The following IL1RAPL2 variants were observed in gnomAD, a reference collection of about 807,000 sequenced individuals.
IL1RAPL2 encodes interleukin 1 receptor accessory protein like 2.
A neutral mutation model predicts 44.1 loss-of-function variants in IL1RAPL2; 3 were observed. The observed-to-expected ratio is 0.07, with a 90% CI of 0.03 to 0.18. The LOEUF is 0.18. IL1RAPL2 is among the 10% of genes least tolerant of loss of function. The pLI is 1.00. For synonymous variants in IL1RAPL2, 181 were observed against 178.8 expected (o/e 1.01, Z -0.10); for missense variants, 391 against 496.4 (o/e 0.79, Z 2.02).
chrX:104,973,587 T>G (rs895908434), intron 2 of IL1RAPL2, among the ~76,000 whole-genome samples: 1 of 112,059 alleles, frequency 8.9e-6, no homozygotes, highest in Admixed American at 9.5e-5. Context: ...ATTGAAAACT[T>G]TCTGGTAATT....
intron 2 of IL1RAPL2, among the ~76,000 whole-genome samples, chrX:104,945,268 T>C (rs1016207478): frequency 1.8e-5 from 2 of 110,519 alleles, no homozygotes; most frequent in Non-Finnish European, 1.9e-5. Flanking sequence ...AAGAAAAACA[T>C]AAGAACTTAG....
chrX:105,368,506 C>T (rs772923433), intron 5 of IL1RAPL2, among the ~76,000 whole-genome samples: 7 of 111,793 alleles, frequency 6.3e-5, no homozygotes, highest in African/African-American at 2.3e-4. Flanking sequence ...ATATATCATT[C>T]TATTCCCTCT....
chrX:105,317,341 T>C (rs1229532772), intron 5 of IL1RAPL2, among the ~76,000 whole-genome samples: 1 of 112,115 alleles, frequency 8.9e-6, no homozygotes, highest in Admixed American at 9.5e-5. Flanking sequence ...ACAGTGATGA[T>C]CCATTTGCAT....
intron 1 of IL1RAPL2, among the ~76,000 whole-genome samples, chrX:104,591,885 G>A (rs1233165409): frequency 1.8e-5 from 2 of 109,938 alleles, no homozygotes; most frequent in East Asian, 5.7e-4. Context: ...TAGAATCTGG[G>A]AGCGTATCTC....
At chrX:105,592,042 G>GT (rs778932907) in intron 6 of IL1RAPL2, among the ~76,000 whole-genome samples, 2 of 111,575 alleles carry the variant, frequency 1.8e-5, no homozygotes, top group African/African-American at 6.5e-5. Context: ...TTATTGTGTG[G>GT]TTATTTAAGT....
chrX:104,671,929 C>T (rs1220304887), intron 2 of IL1RAPL2, among the ~76,000 whole-genome samples: 1 of 111,197 alleles, frequency 9.0e-6, no homozygotes, highest in African/African-American at 3.3e-5. Context: ...ACTCTATCCT[C>T]ATCTGCAGAG....
At chrX:105,220,058 G>A in intron 3 of IL1RAPL2, 1 of 1,211,666 alleles carries the variant, frequency 8.3e-7, no homozygotes, top group Non-Finnish European at 1.1e-6. Context: ...TGCTCCCTGA[G>A]CTTCTTCAGG....
intron 2 of IL1RAPL2, among the ~76,000 whole-genome samples, chrX:105,035,141 C>A (rs969830131): frequency 8.9e-6 from 1 of 111,734 alleles, no homozygotes; most frequent in Admixed American, 9.5e-5. Flanking sequence ...TGCCGTCTGT[C>A]ACCCCTTTCT....
intron 3 of IL1RAPL2, among the ~76,000 whole-genome samples, chrX:105,217,053 C>G (rs1476232842): frequency 1.3e-4 from 14 of 107,805 alleles, no homozygotes; most frequent in Non-Finnish European, 1.9e-4. Flanking sequence ...GCAAGGACTT[C>G]ATGTCTAAAA....
chrX:105,164,768 C>T (rs1048543938), intron 2 of IL1RAPL2, among the ~76,000 whole-genome samples: 4 of 111,591 alleles, frequency 3.6e-5, no homozygotes, highest in South Asian at 3.8e-4. Flanking sequence ...TGAGTTTGAA[C>T]GGATTATATA....
chrX:105,009,640 C>A (rs1460041934), intron 2 of IL1RAPL2, among the ~76,000 whole-genome samples: 1 of 107,056 alleles, frequency 9.3e-6, no homozygotes, highest in African/African-American at 3.4e-5. Flanking sequence ...AGGAGATATA[C>A]CTAATGCTAA....
intron 2 of IL1RAPL2, among the ~76,000 whole-genome samples, chrX:104,983,457 A>AATATTACATAATATTATATAATATT (rs370742941): frequency 2.4e-5 from 1 of 40,869 alleles, no homozygotes; most frequent in African/African-American, 8.1e-5. Context: ...AATATTATAT[A>AATATTACATAATATTATATAATATT]ATATTAGATA....
intron 6 of IL1RAPL2, among the ~76,000 whole-genome samples, chrX:105,687,267 C>CA (rs1761188109): frequency 9.1e-6 from 1 of 109,507 alleles, no homozygotes; most frequent in African/African-American, 3.3e-5. Context: ...AAAAACCCTT[C>CA]AAAAAATCAA....
At chrX:105,555,409 C>T (rs763488928) in intron 6 of IL1RAPL2, among the ~76,000 whole-genome samples, 2 of 111,315 alleles carry the variant, frequency 1.8e-5, no homozygotes, top group Non-Finnish European at 3.8e-5. Context: ...CCTGTGTTGT[C>T]TATTGTTCAG....
intron 6 of IL1RAPL2, among the ~76,000 whole-genome samples, chrX:105,642,616 TTGGCAATCAGGCTTCAGGG>T (rs748761879): frequency 1.9e-4 from 21 of 112,121 alleles, no homozygotes; most frequent in African/African-American, 6.8e-4. Context: ...AAAACCCTCA[TTGGCAATCAGGCTTCAGGG>T]CGTCCACAAA....
intron 2 of IL1RAPL2, among the ~76,000 whole-genome samples, chrX:104,906,664 T>G (rs1489602906): frequency 5.4e-5 from 6 of 111,861 alleles, no homozygotes; most frequent in African/African-American, 1.6e-4. Flanking sequence ...GCCCACTTGA[T>G]CATGGTGGAT....
intron 6 of IL1RAPL2, among the ~76,000 whole-genome samples, chrX:105,588,616 T>C (rs2037146370): frequency 9.0e-6 from 1 of 111,717 alleles, no homozygotes; most frequent in Non-Finnish European, 1.9e-5. Flanking sequence ...GTTTACCTCT[T>C]ATATGTAAGT....
chrX:105,244,600 C>T (rs1269607118), intron 4 of IL1RAPL2, among the ~76,000 whole-genome samples: 1 of 111,479 alleles, frequency 9.0e-6, no homozygotes, highest in Non-Finnish European at 1.9e-5. Context: ...AACTTAACCA[C>T]GATCCCCAGT....
chrX:105,360,557 G>T (rs987547359), intron 5 of IL1RAPL2, among the ~76,000 whole-genome samples: 5 of 111,209 alleles, frequency 4.5e-5, no homozygotes, highest in Non-Finnish European at 9.4e-5. Context: ...GTGGCATAGG[G>T]TGGGGAAGGG....
Sources: allele counts gnomAD v4.1 joint callset (sites outside exome capture counted in the v4.1 genomes callset), GRCh38; gene constraint gnomAD v4.1.1; transcripts MANE v1.5; gene names NCBI Gene and HGNC (gene_info 2026-07-23, HGNC 2026-07-21).